The following ZEB1 variants were observed in gnomAD, a reference collection of about 807,000 sequenced individuals.
The protein encoded by ZEB1 is zinc finger E-box binding homeobox 1, also known as zinc finger E-box-binding homeobox 1.
Under a neutral mutation model 84.9 loss-of-function variants are expected in ZEB1, and 21 were observed. The ratio of observed to expected loss-of-function variants is 0.25; its 90% confidence interval spans 0.18 to 0.36. ZEB1 has a LOEUF of 0.36. Ranked by LOEUF, ZEB1 falls within the 10% of genes least tolerant of loss-of-function variation. ZEB1 has a pLI of 1.00. For synonymous variants in ZEB1, 420 were observed against 471.1 expected (o/e 0.89, Z 1.41); for missense variants, 1,104 against 1,330.2 (o/e 0.83, Z 2.65).
chr10:31,429,441 G>A (rs1395633817), intron 1 of ZEB1, among the ~76,000 whole-genome samples: 2 of 151,882 alleles, frequency 1.3e-5, no homozygotes, highest in Non-Finnish European at 2.9e-5. Context: ...AACTAACACA[G>A]GCATACTGCA....
At chr10:31,325,630 G>T (rs1453339082) in intron 1 of ZEB1, among the ~76,000 whole-genome samples, 2 of 151,894 alleles carry the variant, frequency 1.3e-5, no homozygotes, top group Non-Finnish European at 2.9e-5. Flanking sequence ...CAGATGTTTT[G>T]TGATCTCTTA....
At chr10:31,398,530 TTAAAAAAAATC>T (rs1425280578) in intron 1 of ZEB1, among the ~76,000 whole-genome samples, 1 of 152,148 alleles carries the variant, frequency 6.6e-6, no homozygotes, top group African/African-American at 2.4e-5. Context: ...TTCCCCCATC[TTAAAAAAAATC>T]TTACTCCCAG....
intron 1 of ZEB1, among the ~76,000 whole-genome samples, chr10:31,455,574 C>A (rs1348212748): frequency 2.2e-5 from 3 of 136,506 alleles, no homozygotes; most frequent in African/African-American, 3.7e-5. Flanking sequence ...AAGAAAAAAA[C>A]AACCCCATCA....
intron 1 of ZEB1, among the ~76,000 whole-genome samples, chr10:31,432,234 A>C (rs1460253086): frequency 6.6e-6 from 1 of 152,212 alleles, no homozygotes; most frequent in Non-Finnish European, 1.5e-5. Flanking sequence ...TTATTTGAGC[A>C]CTTGAAATGT....
At chr10:31,472,805 C>T (rs952757804) in intron 2 of ZEB1, among the ~76,000 whole-genome samples, 2 of 139,380 alleles carry the variant, frequency 1.4e-5, no homozygotes, top group African/African-American at 6.3e-5. Context: ...TGCAAAAATC[C>T]TCAGTAAAAT....
intron 2 of ZEB1, among the ~76,000 whole-genome samples, chr10:31,465,325 T>C (rs980179936): frequency 2.0e-5 from 3 of 152,020 alleles, no homozygotes; most frequent in African/African-American, 7.2e-5. Context: ...AGTTTTTATA[T>C]GTGATGGAAA....
chr10:31,335,417 C>T (rs1359276183), intron 1 of ZEB1, among the ~76,000 whole-genome samples: 2 of 152,020 alleles, frequency 1.3e-5, no homozygotes, highest in Admixed American at 1.3e-4. Context: ...TGTACTTGAC[C>T]AATAATGTGT....
intron 1 of ZEB1, among the ~76,000 whole-genome samples, chr10:31,332,825 C>T (rs1191415916): frequency 2.0e-5 from 3 of 152,098 alleles, no homozygotes; most frequent in Non-Finnish European, 4.4e-5. Flanking sequence ...AAACATTTCA[C>T]ATGTGATCTA....
chr10:31,321,157 C>G (rs1022231525), intron 1 of ZEB1: 4 of 1,063,184 alleles, frequency 3.8e-6, no homozygotes, highest in African/African-American at 3.4e-5. Context: ...CTCTGGGATG[C>G]GAAACGCGAG....
intron 1 of ZEB1, among the ~76,000 whole-genome samples, chr10:31,380,805 C>T (rs991215893): frequency 6.6e-6 from 1 of 152,050 alleles, no homozygotes; most frequent in Admixed American, 6.6e-5. Context: ...CCTTGAGTAC[C>T]TATTTTACAT....
chr10:31,475,366 A>G (rs1007632089), intron 2 of ZEB1, among the ~76,000 whole-genome samples: 3 of 152,154 alleles, frequency 2.0e-5, no homozygotes, highest in African/African-American at 4.8e-5. Context: ...GAAAGCTTGG[A>G]AAAATATTTG....
In ZEB1 at chr10:31,445,581, G is replaced by A. The variant is rs989685570; in HGVS notation, c.59-15456G>A. On this transcript the variant is annotated intron_variant, in intron 1 of 8. Transcript: ENST00000424869. ...CATAGATAGCTCTTATTATTTTGAA[G>A]TACGTCCCATTAATACCTAATTTAT... 2.0e-3 allele frequency among the ~76,000 whole-genome samples: 303 copies of A among 152,142 alleles called. 2 individuals carry two copies. The highest frequency in any genetic ancestry group is 5.5e-3 in the African/African-American group (228 of 41,476).
At chr10:31,418,328 G>T (rs916735417) in intron 1 of ZEB1, among the ~76,000 whole-genome samples, 1 of 151,926 alleles carries the variant, frequency 6.6e-6, no homozygotes, top group Non-Finnish European at 1.5e-5. Context: ...AAAACACCAA[G>T]GGGAGTTGGA....
chr10:31,438,920 T>C (rs1449954765), intron 1 of ZEB1, among the ~76,000 whole-genome samples: 3 of 152,192 alleles, frequency 2.0e-5, no homozygotes, highest in Non-Finnish European at 4.4e-5. Flanking sequence ...CCAGCAAATA[T>C]TTTGCCCAAT....
chr10:31,472,161 C>G (rs1339742412), intron 2 of ZEB1, among the ~76,000 whole-genome samples: 1 of 150,966 alleles, frequency 6.6e-6, no homozygotes, highest in African/African-American at 2.5e-5. Flanking sequence ...ACTAGAAAAG[C>G]AAGAGCAAAC....
intron 1 of ZEB1, among the ~76,000 whole-genome samples, chr10:31,369,061 TCTC>T (rs2045172948): frequency 6.6e-6 from 1 of 152,176 alleles, no homozygotes; most frequent in South Asian, 2.1e-4. Context: ...CTTTTTTTAA[TCTC>T]CTGTTTATTT....
chr10:31,351,850 T>C (rs189320545), intron 1 of ZEB1, among the ~76,000 whole-genome samples: 32 of 152,336 alleles, frequency 2.1e-4, no homozygotes, highest in Admixed American at 1.6e-3. Flanking sequence ...TCCAGACTTC[T>C]GTCAACTGGA....
intron 1 of ZEB1, among the ~76,000 whole-genome samples, chr10:31,432,193 A>G (rs755583796): frequency 1.1e-4 from 16 of 152,226 alleles, no homozygotes; most frequent in Non-Finnish European, 1.9e-4. Flanking sequence ...AATGTTCTCT[A>G]TTTTATCTAA....
intron 1 of ZEB1, among the ~76,000 whole-genome samples, chr10:31,413,579 GACAA>G (rs2054668435): frequency 6.6e-6 from 1 of 151,908 alleles, no homozygotes; most frequent in Non-Finnish European, 1.5e-5. Flanking sequence ...AAAGGAATGA[GACAA>G]ACAGATATGA....
Sources: gnomAD v4.1 joint callset for allele counts (sites outside exome capture counted in the v4.1 genomes callset) on GRCh38, gnomAD v4.1.1 for gene constraint, MANE v1.5 for transcripts, NCBI Gene and HGNC (gene_info 2026-07-23, HGNC 2026-07-21) for gene names.